EDEM3: variants seen among roughly 807,000 people sequenced by gnomAD.
The protein encoded by EDEM3 is ER degradation-enhancing alpha-mannosidase-like protein 3.
In EDEM3, 60 loss-of-function variants were observed where a neutral mutation model predicts 110.2. The ratio of observed to expected loss-of-function variants is 0.54; its 90% CI spans 0.44 to 0.67. EDEM3 has a LOEUF of 0.67. Among genes scored for constraint, EDEM3 ranks in the 30% least tolerant of loss-of-function variants. The pLI is 0.00. For synonymous variants in EDEM3, 352 were observed against 382.9 expected, an observed-to-expected ratio of 0.92 and a Z score of 0.94; for missense variants, 996 against 1,121.0, an observed-to-expected ratio of 0.89 and a Z score of 1.59.
intron 7 of EDEM3, among the ~76,000 whole-genome samples, chr1:184,724,260 T>A (rs573981422): frequency 1.3e-5 from 2 of 152,116 alleles, no homozygotes; most frequent in South Asian, 2.1e-4. Context: ...AAAGTAAAAA[T>A]CTCCCTAGAT....
chr1:184,737,128 G>A, intron 3 of EDEM3, 64 bp from the exon 4 acceptor site: 1 of 1,366,808 alleles, frequency 7.3e-7, no homozygotes, highest in Non-Finnish European at 1.0e-6. Context: ...GAATGTACAA[G>A]TAGACTTATC....
rs1400317346 is a variant in EDEM3, at chr1:184,754,711, G to A, written c.-65C>T. 1.4e-6 allele frequency: 2 copies of A among 1,451,530 alleles called. No homozygotes were observed. The highest frequency in any genetic ancestry group is 5.4e-5 in the Admixed American group (2 of 36,752). 89.9% of individuals were successfully genotyped at this position (1,451,530 alleles called of 1,614,324 possible). A position where few individuals can be genotyped will look rare whatever the true frequency, so the allele number is the denominator to read the frequency against. On this transcript the variant is annotated 5_prime_UTR_variant, in exon 1 of 20. Transcript: ENST00000318130. ...CCGGTGAGACACATTGCTGGACGCTGGTGGCCAGGGGGCTGCTAGCCGTGC... is the reference window on the plus strand; with the variant it reads ...CCGGTGAGACACATTGCTGGACGCTAGTGGCCAGGGGGCTGCTAGCCGTGC...
rs1651187388 is a variant in EDEM3 at position 184,726,281 on chromosome 1, G to C, written c.721C>G (p.Arg241Gly). The part of the protein sequence containing the change: ...TLILEFAALS[R>G]FTGATIFEEY... ...TCAAATATTGTTGCTCCTGTGAATCGACTTAAAGCAGCAAATTCAAGGATC... is the reference window on the plus strand; with the variant it reads ...TCAAATATTGTTGCTCCTGTGAATCCACTTAAAGCAGCAAATTCAAGGATC... The change falls in exon 7 of 20, where the codon CGA becomes GGA. Residue 241 changes from arginine (R) to glycine (G), a missense_variant. Coordinates refer to ENST00000318130, the MANE Select transcript of EDEM3 (RefSeq NM_025191.4). 6.2e-7 allele frequency: 1 copy of C among 1,613,568 alleles called. No individual in the cohort carries two copies. The highest frequency in any genetic ancestry group is 8.5e-7 in the Non-Finnish European group (1 of 1,179,726).
chr1:184,716,063 G>A (rs12043236), intron 13 of EDEM3, among the ~76,000 whole-genome samples: 86,919 of 151,960 alleles, frequency 0.57, 26,296 homozygotes, highest in African/African-American at 0.78. Context: ...GGAACCCTTC[G>A]CTGACTATCA....
chr1:184,699,225 C>A (rs1184971706), intron 19 of EDEM3, among the ~76,000 whole-genome samples: 1 of 151,708 alleles, frequency 6.6e-6, no homozygotes, highest in Non-Finnish European at 1.5e-5. Context: ...TAAATGTTTA[C>A]TGAAAGCAAG....
Position 184,710,585 on chromosome 1 carries a change from T to A in EDEM3, c.1692-38A>T, listed in dbSNP as rs144175385. On this transcript the variant is annotated intron_variant, in intron 15 of 19. Transcript: ENST00000318130. ...ATTACAGGCAAGGCTTAAAAAACTA[T>A]AAATTAGAATTGGCAAAAAACACAT... 2.5e-5 allele frequency: 38 copies of A among 1,541,390 alleles called. 1 individual carries two copies. Among genetic ancestry groups the A allele is most frequent in the Non-Finnish European group, 3.1e-5 (36 of 1,144,134 alleles).
At chr1:184,748,759 T>C (rs988024011) in intron 2 of EDEM3, among the ~76,000 whole-genome samples, 6 of 152,198 alleles carry the variant, frequency 3.9e-5, no homozygotes, top group Non-Finnish European at 8.8e-5. Flanking sequence ...ATTCACAGAA[T>C]CAGTTGAAAA....
At chr1:184,704,242 C>CA (rs1301013961) in intron 18 of EDEM3, among the ~76,000 whole-genome samples, 4 of 151,988 alleles carry the variant, frequency 2.6e-5, no homozygotes, top group African/African-American at 4.8e-5. Context: ...ACCCTTGCAA[C>CA]AAAAAACAGC....
rs1272237823 is a variant in EDEM3, at chr1:184,692,917, T to TAAAAAC, written c.*1140_*1145dup. 6.5e-6 allele frequency: 1 copy of TAAAAAC among 152,800 alleles called. No homozygotes were observed. Among genetic ancestry groups the TAAAAAC allele is most frequent in the African/African-American group, 2.4e-5 (1 of 41,344 alleles). 9.5% of individuals were successfully genotyped at this position (152,800 alleles called of 1,614,324 possible). A position where few individuals can be genotyped will look rare whatever the true frequency, so the allele number is the denominator to read the frequency against. On this transcript the variant is annotated 3_prime_UTR_variant, in exon 20 of 20. Transcript: ENST00000318130. ...AGTCCGTATCAGAAGGAATATCTGT[T>TAAAAAC]AAAAACAAAAACAAAAACCATGATT...
intron 17 of EDEM3, 66 bp downstream of exon 17, chr1:184,708,087 T>G: frequency 7.4e-6 from 10 of 1,353,164 alleles, no homozygotes; most frequent in Non-Finnish European, 8.9e-6. Context: ...GAGAAGAGAC[T>G]AAGAAATAAG....
chr1:184,728,738 C>T (rs201130673), intron 6 of EDEM3, among the ~76,000 whole-genome samples: 2 of 151,986 alleles, frequency 1.3e-5, no homozygotes, highest in East Asian at 3.9e-4. Flanking sequence ...GCCTCCCAAG[C>T]AGCTGGAATT....
intron 13 of EDEM3, among the ~76,000 whole-genome samples, chr1:184,713,617 G>C (rs904815263): frequency 5.3e-5 from 8 of 152,096 alleles, no homozygotes; most frequent in African/African-American, 1.9e-4. Context: ...ACAATTCCTG[G>C]CACACAGTAG....
chr1:184,739,266 A>G (rs1268737041), intron 2 of EDEM3, among the ~76,000 whole-genome samples: 1 of 148,938 alleles, frequency 6.7e-6, no homozygotes, highest in Admixed American at 6.7e-5. Context: ...TTAAATTTAA[A>G]TTAATTTTAA....
intron 8 of EDEM3, among the ~76,000 whole-genome samples, chr1:184,722,842 C>G (rs1650976675): frequency 6.6e-6 from 1 of 151,676 alleles, no homozygotes; most frequent in Non-Finnish European, 1.5e-5. Flanking sequence ...TAATTTATTT[C>G]CATTCATCTA....
At chr1:184,747,921 G>T (rs1344187853) in intron 2 of EDEM3, among the ~76,000 whole-genome samples, 7 of 152,176 alleles carry the variant, frequency 4.6e-5, no homozygotes, top group African/African-American at 1.7e-4. Context: ...CCTATTCATT[G>T]TGAGAAACTG....
chr1:184,720,091 T>C (rs1364972482), intron 9 of EDEM3, among the ~76,000 whole-genome samples: 1 of 152,210 alleles, frequency 6.6e-6, no homozygotes, highest in Non-Finnish European at 1.5e-5. Flanking sequence ...TTTTCCCTTC[T>C]TTTGTCTTCT....
intron 10 of EDEM3, 43 bp downstream of exon 10, chr1:184,719,397 ACAT>A: frequency 6.3e-7 from 1 of 1,589,568 alleles, no homozygotes; most frequent in Non-Finnish European, 8.5e-7. Flanking sequence ...CGCCTAATTA[ACAT>A]CATCATCTTA....
chr1:184,741,886 C>CTA (rs1558070112), intron 2 of EDEM3, among the ~76,000 whole-genome samples: 1 of 152,068 alleles, frequency 6.6e-6, no homozygotes, highest in Non-Finnish European at 1.5e-5. Flanking sequence ...AGATACAGTT[C>CTA]TATACTCTTC....
chr1:184,702,128 T>TG (rs1649661375), intron 19 of EDEM3, among the ~76,000 whole-genome samples: 3 of 152,210 alleles, frequency 2.0e-5, no homozygotes, highest in African/African-American at 7.2e-5. Flanking sequence ...CCTCTATCCC[T>TG]GGGTGTGAAA....
Sources: allele counts gnomAD v4.1 joint callset (sites outside exome capture counted in the v4.1 genomes callset), GRCh38; gene constraint gnomAD v4.1.1; transcripts MANE v1.5; gene names NCBI Gene and HGNC (gene_info 2026-07-23, HGNC 2026-07-21).